The following ADD1 variants were observed in gnomAD, a reference collection of about 807,000 sequenced individuals.
The protein encoded by ADD1 is adducin 1.
A neutral mutation model predicts 80.5 loss-of-function variants in ADD1; 24 were observed. The ratio of observed to expected loss-of-function variants is 0.30; its 90% CI spans 0.22 to 0.42. The LOEUF is 0.42. Ranked by LOEUF, ADD1 falls within the 10% of genes least tolerant of loss-of-function variation. The pLI is 1.00. For synonymous variants in ADD1, 373 were observed against 393.8 expected, an observed-to-expected ratio of 0.95 and a Z score of 0.63; for missense variants, 948 against 1,019.0, an observed-to-expected ratio of 0.93 and a Z score of 0.95.
At chr4:2,901,167 T>C (rs1007966998) in intron 9 of ADD1, 3 of 152,300 alleles carry the variant, frequency 2.0e-5, no homozygotes, top group African/African-American at 7.2e-5. Flanking sequence ...GGCCCAGGTG[T>C]GCGTCAGGAG....
intron 14 of ADD1, among the ~76,000 whole-genome samples, chr4:2,920,363 G>T (rs571008010): frequency 4.3e-4 from 66 of 152,306 alleles, no homozygotes; most frequent in African/African-American, 1.6e-3. Flanking sequence ...ATGGTCCAGA[G>T]CTGAGTTCAA....
At chr4:2,865,767 G>T (rs936593454) in intron 1 of ADD1, among the ~76,000 whole-genome samples, 1 of 152,086 alleles carries the variant, frequency 6.6e-6, no homozygotes, top group South Asian at 2.1e-4. Flanking sequence ...AAAAAATTTT[G>T]TTTCAATAAA....
At chr4:2,914,805 T>G in intron 13 of ADD1, 79 bp from the exon 14 acceptor site, 1 of 1,508,770 alleles carries the variant, frequency 6.6e-7, no homozygotes, top group South Asian at 1.3e-5. Context: ...GCCCCCGCCC[T>G]GCCTGCAGCC....
At chr4:2,900,297 C>G (rs561542085) in intron 9 of ADD1, 3 of 152,332 alleles carry the variant, frequency 2.0e-5, no homozygotes, top group Non-Finnish European at 4.4e-5. Flanking sequence ...GAACACTGCC[C>G]TTGGGGTCTC....
Position 2,914,998 on chromosome 4 carries a change from G to A in ADD1, c.1906G>A (p.Glu636Lys), listed in dbSNP as rs745955680. 1 of 1,614,128 alleles carries A rather than the reference G, an allele frequency of 6.2e-7. No homozygotes were observed. The highest frequency in any genetic ancestry group is 1.1e-5 in the South Asian group (1 of 91,078). Residue 636 changes from glutamate to lysine, a missense_variant, in exon 14 of 16, where the codon GAG becomes AAG. Coordinates refer to ENST00000683351, the MANE Select transcript of ADD1 (RefSeq NM_001354761.2). ...CACACTCACAGACCGTGAGCTGGAG[G>A]AGTACCGCAGGGAGGTGGAGAGGAA... is the stretch of plus-strand genomic sequence containing the variant. The part of the protein sequence containing the change: ...FTTLTDRELE[E>K]YRREVERKQK...
intron 4 of ADD1, among the ~76,000 whole-genome samples, chr4:2,888,962 G>A (rs1298771534): frequency 6.6e-6 from 1 of 152,054 alleles, no homozygotes; most frequent in African/African-American, 2.4e-5. Flanking sequence ...AAAGAGAAAT[G>A]ACTAACAAAA....
Position 2,884,512 on chromosome 4 carries a change from C to T in ADD1, c.359-3C>T, listed in dbSNP as rs1286824243. ...GGCTGAGTTTTGTTTTTCTTTATTTCAGGTCTTGGTATGGTGACTCCTGTG... is the reference window on the plus strand; with the variant it reads ...GGCTGAGTTTTGTTTTTCTTTATTTTAGGTCTTGGTATGGTGACTCCTGTG... On this transcript the variant is annotated splice_region_variant and splice_polypyrimidine_tract_variant and intron_variant, in intron 3 of 15. Coordinates refer to ENST00000683351, the MANE Select transcript of ADD1 (RefSeq NM_001354761.2). 1 of 1,589,740 alleles carries T rather than the reference C, an allele frequency of 6.3e-7. No homozygotes were observed. Among genetic ancestry groups the T allele is most frequent in the East Asian group, 2.3e-5 (1 of 44,118 alleles).
chr4:2,914,877 T>C lies in ADD1; in HGVS notation c.1792-7T>C. ...TCCTGCAGACCAGATGTGCCTTTCA[T>C]CCACAGGGAGAGCTGGTGACGGCCT... On this transcript the variant is annotated splice_region_variant and splice_polypyrimidine_tract_variant and intron_variant, in intron 13 of 15. Coordinates refer to ENST00000683351, the MANE Select transcript of ADD1 (RefSeq NM_001354761.2). 6.2e-7 allele frequency: 1 copy of C among 1,606,170 alleles called. No individual in the cohort carries two copies. The highest frequency in any genetic ancestry group is 8.5e-7 in the Non-Finnish European group (1 of 1,175,666).
At chr4:2,899,503 A>C (rs1425390848) in intron 9 of ADD1, 68 bp downstream of exon 9, 1 of 1,569,544 alleles carries the variant, frequency 6.4e-7, no homozygotes, top group South Asian at 1.1e-5. Flanking sequence ...GTGTTCTTAC[A>C]GCAAGTGCGA....
chr4:2,873,914 T>G (rs995060019), intron 1 of ADD1, among the ~76,000 whole-genome samples: 2 of 152,196 alleles, frequency 1.3e-5, no homozygotes, highest in Non-Finnish European at 2.9e-5. Flanking sequence ...TAGAGAAGAA[T>G]AAGTTTCAGA....
At chr4:2,904,644 A>T in intron 9 of ADD1, 120 bp from the exon 10 acceptor site, 1 of 856,634 alleles carries the variant, frequency 1.2e-6, no homozygotes, top group Non-Finnish European at 1.8e-6. Flanking sequence ...GAGTGGAATT[A>T]CTGAGTCATA....
intron 14 of ADD1, among the ~76,000 whole-genome samples, chr4:2,924,341 A>G (rs997628613): frequency 1.3e-5 from 2 of 152,296 alleles, no homozygotes; most frequent in South Asian, 4.1e-4. Flanking sequence ...TTTTCCCCCA[A>G]GCTCCCTGCT....
At chr4:2,904,583 T>G in intron 9 of ADD1, 181 bp from the exon 10 acceptor site, 1 of 626,986 alleles carries the variant, frequency 1.6e-6, no homozygotes, top group Non-Finnish European at 2.8e-6. Flanking sequence ...GTCCACATTT[T>G]AGTACCTGGT....
At chr4:2,900,124 G>A (rs2282772) in intron 9 of ADD1, 28,242 of 153,042 alleles carry the variant, frequency 0.18, 2,865 homozygotes, top group East Asian at 0.48. Context: ...CTTAGCCTGC[G>A]TTTGAAAGCC....
At chr4:2,927,898 C>CG (rs1190713667) in intron 15 of ADD1, among the ~76,000 whole-genome samples, 1 of 152,086 alleles carries the variant, frequency 6.6e-6, no homozygotes, top group African/African-American at 2.4e-5. Flanking sequence ...GTCTTTCCGG[C>CG]GGGGGGACCC....
intron 1 of ADD1, among the ~76,000 whole-genome samples, chr4:2,860,358 A>T (rs1275266142): frequency 6.6e-6 from 1 of 152,172 alleles, no homozygotes; most frequent in East Asian, 1.9e-4. Flanking sequence ...TGATATGCAG[A>T]TTGTCCATTT....
intron 1 of ADD1, among the ~76,000 whole-genome samples, chr4:2,849,506 G>A (rs1385669431): frequency 1.3e-5 from 2 of 152,160 alleles, no homozygotes; most frequent in African/African-American, 2.4e-5. Flanking sequence ...CTCAGGAATG[G>A]GGCGCAGTAG....
At chr4:2,925,866 T>G in intron 14 of ADD1, 148 bp from the exon 15 acceptor site, 1 of 617,542 alleles carries the variant, frequency 1.6e-6, no homozygotes, top group Admixed American at 3.0e-5. Flanking sequence ...TCCTTTATCC[T>G]CTCTTGGAGA....
intron 3 of ADD1, 103 bp downstream of exon 3, chr4:2,882,163 C>A: frequency 9.4e-7 from 1 of 1,067,184 alleles, no homozygotes; most frequent in Non-Finnish European, 1.3e-6. Context: ...TATAACATAA[C>A]AGAGTTGAGT....
Sources: allele counts gnomAD v4.1 joint callset (sites outside exome capture counted in the v4.1 genomes callset), GRCh38; gene constraint gnomAD v4.1.1; transcripts MANE v1.5; gene names NCBI Gene and HGNC (gene_info 2026-07-23, HGNC 2026-07-21).